The following PREX2 variants were observed in gnomAD, a reference collection of about 807,000 sequenced individuals.
PREX2 encodes phosphatidylinositol 3,4,5-trisphosphate-dependent Rac exchanger 2 protein.
A neutral mutation model predicts 203.2 loss-of-function variants in PREX2; 107 were observed. That is an observed-to-expected ratio of 0.53 (90% CI 0.45 to 0.62). The LOEUF is 0.62. Ranked by LOEUF, PREX2 falls within the 20% of genes least tolerant of loss-of-function variation. The pLI, the probability that PREX2 is intolerant of heterozygous loss-of-function variation, is 0.00. For synonymous variants in PREX2, 672 were observed against 663.6 expected (o/e 1.01, Z -0.19); for missense variants, 1,777 against 1,955.9 (o/e 0.91, Z 1.72).
chr8:68,084,319 A>G (rs1237725337), intron 18 of PREX2, among the ~76,000 whole-genome samples: 1 of 152,172 alleles, frequency 6.6e-6, no homozygotes, highest in Non-Finnish European at 1.5e-5. Context: ...AGCAAATGAA[A>G]TTTAGCACTT....
At chr8:68,182,771 G>T (rs1812110378) in intron 35 of PREX2, among the ~76,000 whole-genome samples, 1 of 151,796 alleles carries the variant, frequency 6.6e-6, no homozygotes, top group South Asian at 2.1e-4. Context: ...TTAAAAAATG[G>T]GTCTCTGCCC....
intron 23 of PREX2, among the ~76,000 whole-genome samples, chr8:68,102,499 T>C (rs151302650): frequency 9.3e-4 from 141 of 152,330 alleles, no homozygotes; most frequent in Middle Eastern, 3.4e-3. Flanking sequence ...GTAGCCCTAA[T>C]AGGTCATGTA....
chr8:67,973,618 A>G (rs2129019507), intron 1 of PREX2, among the ~76,000 whole-genome samples: 1 of 152,216 alleles, frequency 6.6e-6, no homozygotes, highest in Admixed American at 6.5e-5. Flanking sequence ...CACTTCCTAT[A>G]TAGGTTCTTG....
intron 12 of PREX2, 30 bp from the exon 13 acceptor site, chr8:68,069,804 CT>C: frequency 8.3e-7 from 1 of 1,205,498 alleles, no homozygotes; most frequent in Admixed American, 1.9e-5. Flanking sequence ...GGTAATCTCA[CT>C]TGTTTTTGAT....
At chr8:68,131,151 C>A (rs1305497143) in intron 31 of PREX2, among the ~76,000 whole-genome samples, 1 of 152,190 alleles carries the variant, frequency 6.6e-6, no homozygotes, top group Non-Finnish European at 1.5e-5. Flanking sequence ...CCCAATAATT[C>A]TGTGAACATT....
In PREX2 at chr8:68,235,589, A is replaced by C. The variant is rs764113719; in HGVS notation, c.*4211A>C. 1 of 152,158 alleles carries C rather than the reference A, an allele frequency of 6.6e-6. No individual in the cohort carries two copies. The highest frequency in any genetic ancestry group is 1.5e-5 in the Non-Finnish European group (1 of 68,014). The allele number at this position is 152,158 out of a possible 1,614,324, so 9.4% of individuals were successfully genotyped here. On this transcript the variant is annotated 3_prime_UTR_variant, in exon 40 of 40. Transcript: ENST00000288368. Reference sequence around the variant, plus strand: ...TCTTCTATCGAATGTTTGAACTTTTAGTGATGAGCCTCAGCAAAGTTTCAC... The same window carrying C: ...TCTTCTATCGAATGTTTGAACTTTTCGTGATGAGCCTCAGCAAAGTTTCAC...
chr8:67,973,641 A>G (rs986494527), intron 1 of PREX2, among the ~76,000 whole-genome samples: 5 of 152,102 alleles, frequency 3.3e-5, no homozygotes. Flanking sequence ...ACTACTAACT[A>G]TAGGTTTTAT....
chr8:68,102,990 C>T (rs1166160073), intron 23 of PREX2: 1 of 511,828 alleles, frequency 2.0e-6, no homozygotes, highest in Admixed American at 2.0e-5. Flanking sequence ...CCTGGAAACG[C>T]TTCTTTGTTT....
At chr8:68,091,065 T>G (rs1809859480) in intron 20 of PREX2, among the ~76,000 whole-genome samples, 1 of 152,210 alleles carries the variant, frequency 6.6e-6, no homozygotes, top group Non-Finnish European at 1.5e-5. Flanking sequence ...TGTGTCTGTG[T>G]CTGTATGTAT....
intron 35 of PREX2, among the ~76,000 whole-genome samples, chr8:68,164,059 C>G (rs1563571362): frequency 6.6e-6 from 1 of 152,050 alleles, no homozygotes; most frequent in Non-Finnish European, 1.5e-5. Flanking sequence ...ACTCTCTAGA[C>G]TTTACAGGAA....
At chr8:68,046,760 C>T (rs1344529495) in intron 8 of PREX2, among the ~76,000 whole-genome samples, 3 of 151,962 alleles carry the variant, frequency 2.0e-5, no homozygotes, top group African/African-American at 7.2e-5. Flanking sequence ...ATATAAGCAG[C>T]ATGTAGCAGG....
At chr8:68,060,512 TG>T (rs1808816498) in intron 10 of PREX2, among the ~76,000 whole-genome samples, 166 bp from the exon 11 acceptor site, 1 of 152,256 alleles carries the variant, frequency 6.6e-6, no homozygotes, top group Admixed American at 6.5e-5. Context: ...TCAACTTAAA[TG>T]GCTGTAGGCC....
chr8:68,093,478 G>T, intron 20 of PREX2, 127 bp from the exon 21 acceptor site: 6 of 465,834 alleles, frequency 1.3e-5, no homozygotes, highest in South Asian at 4.4e-5. Context: ...GATGTTAATT[G>T]TATCTCTCTT....
At chr8:68,222,735 A>G (rs928797990) in intron 38 of PREX2, among the ~76,000 whole-genome samples, 3 of 152,014 alleles carry the variant, frequency 2.0e-5, no homozygotes, top group East Asian at 3.9e-4. Flanking sequence ...GCAATGAGTA[A>G]CTTTACAGTT....
intron 1 of PREX2, among the ~76,000 whole-genome samples, chr8:68,012,018 C>A (rs895506589): frequency 6.6e-6 from 1 of 152,066 alleles, no homozygotes; most frequent in African/African-American, 2.4e-5. Flanking sequence ...CAATAATGGT[C>A]CTGATTTCTG....
intron 35 of PREX2, among the ~76,000 whole-genome samples, chr8:68,162,054 T>A (rs559797021): frequency 6.6e-6 from 1 of 152,180 alleles, no homozygotes; most frequent in East Asian, 1.9e-4. Context: ...TTCAATATCA[T>A]GAGGACAGCA....
intron 3 of PREX2, among the ~76,000 whole-genome samples, chr8:68,020,647 A>G (rs1290483971): frequency 2.0e-5 from 3 of 152,190 alleles, no homozygotes; most frequent in Admixed American, 2.0e-4. Context: ...TGGGTATAGG[A>G]AGATCAAGCT....
intron 32 of PREX2, among the ~76,000 whole-genome samples, chr8:68,137,189 A>G (rs1811130295): frequency 6.6e-6 from 1 of 152,188 alleles, no homozygotes; most frequent in Non-Finnish European, 1.5e-5. Context: ...TACAGGCGTG[A>G]GCCACCATGC....
intron 1 of PREX2, among the ~76,000 whole-genome samples, chr8:67,966,090 T>C (rs1227786761): frequency 8.5e-5 from 13 of 152,164 alleles, no homozygotes; most frequent in African/African-American, 2.9e-4. Flanking sequence ...TGTCAGAAAA[T>C]TTGAGAGCTT....
Sources: gnomAD v4.1 joint callset for allele counts (sites outside exome capture counted in the v4.1 genomes callset) on GRCh38, gnomAD v4.1.1 for gene constraint, MANE v1.5 for transcripts, NCBI Gene and HGNC (gene_info 2026-07-23, HGNC 2026-07-21) for gene names.